Variants in TLN2 observed in about 807,000 individuals in gnomAD.
The protein encoded by TLN2 is talin-2.
In TLN2, 118 loss-of-function variants were observed where a neutral mutation model predicts 294.7. That is an observed-to-expected ratio of 0.40 (90% CI 0.34 to 0.47). TLN2 has a LOEUF of 0.47. TLN2 is among the 20% of genes least tolerant of loss of function. The probability of loss-of-function intolerance (pLI) is 0.84; values close to 1 mark genes in which losing one functional copy is unlikely to be tolerated. For missense variants in TLN2, 3,083 were observed against 3,282.2 expected (o/e 0.94, Z 1.48); for synonymous variants, 1,431 against 1,304.5 (o/e 1.10, Z -2.09).
intron 1 of TLN2, among the ~76,000 whole-genome samples, chr15:62,515,290 T>C (rs1300160839): frequency 6.6e-6 from 1 of 152,230 alleles, no homozygotes; most frequent in Non-Finnish European, 1.5e-5. Context: ...ATGTTGTTGT[T>C]TGCATGACTG....
chr15:62,732,612 C>T (rs1451177990), intron 28 of TLN2, among the ~76,000 whole-genome samples: 1 of 152,138 alleles, frequency 6.6e-6, no homozygotes, highest in African/African-American at 2.4e-5. Flanking sequence ...CGCCCTTCCT[C>T]CTGTGTGTAG....
At chr15:62,414,202 A>G (rs1423540341) in intron 1 of TLN2, among the ~76,000 whole-genome samples, 3 of 121,494 alleles carry the variant, frequency 2.5e-5, no homozygotes, top group African/African-American at 8.3e-5. Context: ...AATTTGAGAA[A>G]TTAAATCCTT....
chr15:62,479,055 G>A (rs896921210), intron 1 of TLN2, among the ~76,000 whole-genome samples: 1 of 152,186 alleles, frequency 6.6e-6, no homozygotes, highest in South Asian at 2.1e-4. Context: ...CTTCTGGAAT[G>A]CTGGGATGTC....
chr15:62,699,434 A>G (rs997565128), intron 16 of TLN2, among the ~76,000 whole-genome samples: 1 of 151,940 alleles, frequency 6.6e-6, no homozygotes, highest in Admixed American at 6.5e-5. Flanking sequence ...TGCATTTGCA[A>G]CAAGATCTCA....
At chr15:62,688,336 TTTTAG>T (rs1032171334) in intron 12 of TLN2, among the ~76,000 whole-genome samples, 1 of 152,158 alleles carries the variant, frequency 6.6e-6, no homozygotes, top group Non-Finnish European at 1.5e-5. Context: ...ACTATTGATT[TTTTAG>T]TTTGATTCCA....
chr15:62,686,286 C>G (rs938951885), intron 11 of TLN2, among the ~76,000 whole-genome samples: 2 of 152,214 alleles, frequency 1.3e-5, no homozygotes, highest in African/African-American at 4.8e-5. Context: ...TTGTTACTCA[C>G]TGAGTTGGCC....
intron 1 of TLN2, among the ~76,000 whole-genome samples, chr15:62,567,431 G>A (rs568583112): frequency 6.6e-6 from 1 of 152,346 alleles, no homozygotes; most frequent in African/African-American, 2.4e-5. Flanking sequence ...AAAGCTCTCT[G>A]TGTCATGAGG....
intron 28 of TLN2, among the ~76,000 whole-genome samples, 172 bp from the exon 29 acceptor site, chr15:62,736,706 G>A (rs1459131815): frequency 6.6e-6 from 1 of 152,146 alleles, no homozygotes; most frequent in African/African-American, 2.4e-5. Context: ...GAGCCAGGGG[G>A]ATATGTTTCT....
intron 1 of TLN2, among the ~76,000 whole-genome samples, chr15:62,441,210 C>T (rs1257257494): frequency 6.6e-6 from 1 of 152,108 alleles, no homozygotes; most frequent in African/African-American, 2.4e-5. Flanking sequence ...CCTTCCAAGG[C>T]CCTGTGCTCA....
chr15:62,650,287 T>C (rs1316292017), intron 5 of TLN2, 106 bp downstream of exon 5: 14 of 1,124,174 alleles, frequency 1.2e-5, no homozygotes, highest in Non-Finnish European at 1.8e-5. Context: ...ATCTTATTAA[T>C]AGTTCGATGC....
At position 62,702,196 on chromosome 15, in the gene TLN2, G is replaced by C; in HGVS notation, c.1901G>C (p.Gly634Ala). The change falls in exon 18 of 59, where the codon GGA becomes GCA. Residue 634 changes from glycine to alanine, a missense_variant. Gly to Ala is a moderately conservative substitution (Grantham distance 60, BLOSUM62 0). Transcript: ENST00000636159. The part of the protein sequence containing the change: ...DLLKAVQPTS[G>A]EPRQTVLTAA... ...CTGAAAGCTGTGCAGCCTACTTCTG[G>C]AGAGGTAAGCTCCAGAGGCAAGCAA... 1 of 1,590,792 alleles carries C rather than the reference G, an allele frequency of 6.3e-7. No individual in the cohort carries two copies. Among genetic ancestry groups the C allele is most frequent in the Non-Finnish European group, 8.6e-7 (1 of 1,167,338 alleles).
At chr15:62,787,291 G>T (rs1174310361) in intron 45 of TLN2, among the ~76,000 whole-genome samples, 1 of 152,136 alleles carries the variant, frequency 6.6e-6, no homozygotes, top group Non-Finnish European at 1.5e-5. Flanking sequence ...ATTTGACCTG[G>T]TTTCAGATGT....
intron 10 of TLN2, 131 bp downstream of exon 10, chr15:62,674,021 CAA>C (rs1349888758): frequency 3.4e-6 from 2 of 590,540 alleles, no homozygotes; most frequent in African/African-American, 3.7e-5. Context: ...ATTAGTGACT[CAA>C]GAGTATAGAA....
Position 62,474,069 on chromosome 15 carries a change from TG to T in TLN2, c.-238+83387del, listed in dbSNP as rs1309581049. On this transcript the variant is annotated intron_variant, in intron 1 of 58. Coordinates refer to ENST00000636159, the MANE Select transcript of TLN2 (RefSeq NM_015059.3). ...AGACATGTGCCTTTGAGCTCCAACC[TG>T]GGTAACGAGCGAAAGTCTGTACTAA... Among the ~76,000 whole-genome samples, 5 of 152,258 alleles carry T rather than the reference TG, an allele frequency of 3.3e-5. No individual in the cohort carries two copies. In the South Asian group the frequency reaches 6.2e-4, roughly 19 times the overall value.
chr15:62,477,721 C>G (rs1330902697), intron 1 of TLN2, among the ~76,000 whole-genome samples: 2 of 151,948 alleles, frequency 1.3e-5, no homozygotes, highest in Admixed American at 6.6e-5. Flanking sequence ...GGGGCACTTG[C>G]AGTGAGATGT....
At chr15:62,687,617 G>A (rs1243348729) in intron 12 of TLN2, among the ~76,000 whole-genome samples, 1 of 152,168 alleles carries the variant, frequency 6.6e-6, no homozygotes, top group East Asian at 1.9e-4. Flanking sequence ...ATCAAAAAGT[G>A]CTAGAATTTG....
intron 1 of TLN2, among the ~76,000 whole-genome samples, chr15:62,572,496 T>G (rs2043965093): frequency 6.6e-6 from 1 of 152,186 alleles, no homozygotes; most frequent in Non-Finnish European, 1.5e-5. Context: ...TCCTCTCGCC[T>G]TGTCCTCCCA....
intron 1 of TLN2, among the ~76,000 whole-genome samples, chr15:62,422,078 T>C (rs1595765976): frequency 6.6e-6 from 1 of 151,800 alleles, no homozygotes; most frequent in East Asian, 1.9e-4. Context: ...CTGACTAACA[T>C]GGTGAAACCC....
Position 62,740,062 on chromosome 15 carries a change from T to C in TLN2, c.3885+517T>C, listed in dbSNP as rs80160794. 1.3e-3 allele frequency among the ~76,000 whole-genome samples: 193 copies of C among 151,490 alleles called. 1 individual carries two copies. The highest frequency in any genetic ancestry group is 6.8e-3 in the Middle Eastern group (2 of 294). On this transcript the variant is annotated intron_variant, in intron 31 of 58. Transcript: ENST00000636159. ...TGTGTTTTTTGTTTTTTTTTTTTTTTCTGCGCTCCTTTGACCTCCCTAAAA... is the reference window on the plus strand; with the variant it reads ...TGTGTTTTTTGTTTTTTTTTTTTTTCCTGCGCTCCTTTGACCTCCCTAAAA...
Sources: allele counts gnomAD v4.1 joint callset (sites outside exome capture counted in the v4.1 genomes callset), GRCh38; gene constraint gnomAD v4.1.1; transcripts MANE v1.5; gene names NCBI Gene and HGNC (gene_info 2026-07-23, HGNC 2026-07-21).